Variants in SLC44A5 observed in about 807,000 individuals in gnomAD.
The protein encoded by SLC44A5 is choline transporter-like protein 5.
In SLC44A5, 57 loss-of-function variants were observed where a neutral mutation model predicts 101.8. The observed-to-expected ratio is 0.56, with a 90% CI of 0.45 to 0.70. The LOEUF (loss-of-function observed/expected upper bound fraction) is 0.70, where lower values mean the gene tolerates loss of function less well. Among genes scored for constraint, SLC44A5 ranks in the 30% least tolerant of loss-of-function variants. SLC44A5 has a pLI of 0.00. For missense variants in SLC44A5, 737 were observed against 853.1 expected (o/e 0.86, Z 1.70); for synonymous variants, 281 against 290.9 (o/e 0.97, Z 0.35).
intron 3 of SLC44A5, among the ~76,000 whole-genome samples, chr1:75,384,848 A>C (rs898234109): frequency 5.9e-5 from 9 of 151,444 alleles, no homozygotes; most frequent in African/African-American, 2.2e-4. Context: ...AGAGATTATA[A>C]CAAACTATCT....
At chr1:75,420,767 T>C (rs992019740) in intron 2 of SLC44A5, among the ~76,000 whole-genome samples, 7 of 152,156 alleles carry the variant, frequency 4.6e-5, no homozygotes, top group African/African-American at 1.7e-4. Flanking sequence ...TCAATAATTG[T>C]AGAGACTGGT....
At chr1:75,368,386 T>C (rs1308552202) in intron 3 of SLC44A5, among the ~76,000 whole-genome samples, 1 of 152,182 alleles carries the variant, frequency 6.6e-6, no homozygotes, top group Non-Finnish European at 1.5e-5. Flanking sequence ...CTGCCCTCTA[T>C]ATCTGTGGGT....
intron 2 of SLC44A5, among the ~76,000 whole-genome samples, chr1:75,445,441 T>C (rs929043876): frequency 7.8e-5 from 11 of 140,358 alleles, no homozygotes; most frequent in African/African-American, 1.1e-4. Context: ...TTTTTTGTGG[T>C]AACACAAATG....
the SLC44A5 span, among the ~76,000 whole-genome samples, chr1:75,702,319 C>T: frequency 6.6e-6 from 1 of 152,110 alleles, no homozygotes; most frequent in South Asian, 2.1e-4. Context: ...AGATATAGAT[C>T]AATGGAACAG....
chr1:75,704,773 T>C, the SLC44A5 span, among the ~76,000 whole-genome samples: 9 of 152,210 alleles, frequency 5.9e-5, no homozygotes, highest in Admixed American at 5.9e-4. Context: ...ATGACAGTGT[T>C]ATCTTTCTTT....
intron 2 of SLC44A5, among the ~76,000 whole-genome samples, chr1:75,530,087 G>C (rs211774): frequency 0.22 from 34,132 of 151,934 alleles, 4,126 homozygotes; most frequent in Admixed American, 0.3. Context: ...CTTGCTCTGT[G>C]GCCCAGGCTG....
intron 2 of SLC44A5, among the ~76,000 whole-genome samples, chr1:75,400,710 C>A (rs1024912126): frequency 6.6e-6 from 1 of 152,176 alleles, no homozygotes; most frequent in African/African-American, 2.4e-5. Context: ...CCTGAGCCCA[C>A]CTGCTTGGCT....
At chr1:75,207,241 T>C (rs932343475) in intron 23 of SLC44A5, among the ~76,000 whole-genome samples, 3 of 152,122 alleles carry the variant, frequency 2.0e-5, no homozygotes, top group African/African-American at 4.8e-5. Context: ...TAGGATGAGA[T>C]AGGGACCCAG....
intron 1 of SLC44A5, among the ~76,000 whole-genome samples, chr1:75,574,019 T>A (rs1281436414): frequency 1.3e-5 from 2 of 152,194 alleles, no homozygotes. Flanking sequence ...TCTCAACTTC[T>A]TGTAGTCTCA....
At chr1:75,482,393 A>C (rs1017256410) in intron 2 of SLC44A5, among the ~76,000 whole-genome samples, 41 of 152,284 alleles carry the variant, frequency 2.7e-4, no homozygotes, top group Non-Finnish European at 5.1e-4. Flanking sequence ...CACATTGTGC[A>C]CATGTACCCT....
intron 1 of SLC44A5, among the ~76,000 whole-genome samples, chr1:75,588,528 C>T (rs1043181098): frequency 1.3e-5 from 2 of 150,778 alleles, no homozygotes; most frequent in Non-Finnish European, 3.0e-5. Flanking sequence ...TCCGAAAGTT[C>T]GGAAAAAAAA....
intron 3 of SLC44A5, among the ~76,000 whole-genome samples, chr1:75,387,474 T>TG (rs1386149574): frequency 1.2e-5 from 1 of 86,250 alleles, no homozygotes; most frequent in Non-Finnish European, 2.3e-5. Flanking sequence ...TCATCATCAC[T>TG]GGCCATCAGA....
At chr1:75,562,851 T>C (rs1165708285) in intron 1 of SLC44A5, among the ~76,000 whole-genome samples, 1 of 152,146 alleles carries the variant, frequency 6.6e-6, no homozygotes, top group African/African-American at 2.4e-5. Context: ...TATACTCTGT[T>C]CTAGCTGTCA....
the SLC44A5 span, among the ~76,000 whole-genome samples, chr1:75,648,890 G>T: frequency 6.6e-6 from 1 of 152,040 alleles, no homozygotes; most frequent in East Asian, 1.9e-4. Context: ...GGGAATTATG[G>T]ATATTTTATA....
chr1:75,705,163 A>C, the SLC44A5 span, among the ~76,000 whole-genome samples: 1 of 152,194 alleles, frequency 6.6e-6, no homozygotes, highest in Non-Finnish European at 1.5e-5. Context: ...TCATTTTTGC[A>C]CTACAGAGAT....
intron 6 of SLC44A5, among the ~76,000 whole-genome samples, chr1:75,272,998 C>A (rs1314966528): frequency 6.6e-6 from 1 of 152,054 alleles, no homozygotes; most frequent in Non-Finnish European, 1.5e-5. Flanking sequence ...AATATTAATT[C>A]TATCCATCCA....
chr1:75,208,494 A>G (rs1445164156), intron 23 of SLC44A5, among the ~76,000 whole-genome samples: 2 of 152,244 alleles, frequency 1.3e-5, no homozygotes, highest in Non-Finnish European at 2.9e-5. Flanking sequence ...GTGAAGAAGA[A>G]AAAAGAATTT....
chr1:75,305,746 T>C (rs1426348718), intron 4 of SLC44A5, among the ~76,000 whole-genome samples: 2 of 152,216 alleles, frequency 1.3e-5, no homozygotes, highest in African/African-American at 2.4e-5. Context: ...CCGTTAACAA[T>C]GTTTCCATTT....
chr1:75,266,119 A>G (rs1433276196), intron 6 of SLC44A5, among the ~76,000 whole-genome samples: 1 of 152,164 alleles, frequency 6.6e-6, no homozygotes, highest in Non-Finnish European at 1.5e-5. Flanking sequence ...GCCAAAAGCC[A>G]CATCTCAAAT....
Sources: allele counts gnomAD v4.1 joint callset (sites outside exome capture counted in the v4.1 genomes callset), GRCh38; gene constraint gnomAD v4.1.1; transcripts MANE v1.5; gene names NCBI Gene and HGNC (gene_info 2026-07-23, HGNC 2026-07-21).